ATM: variants seen among roughly 807,000 people sequenced by gnomAD.
ATM encodes the protein ATM serine/threonine kinase.
ATM carries 308 observed loss-of-function variants against 387.0 expected under a neutral mutation model. The observed-to-expected ratio is 0.80, with a 90% CI of 0.73 to 0.87. The LOEUF (loss-of-function observed/expected upper bound fraction) is 0.87, where lower values mean the gene tolerates loss of function less well. ATM is among the 40% of genes least tolerant of loss of function. ATM has a pLI of 0.00. For synonymous variants in ATM, 1,156 were observed against 1,187.3 expected (o/e 0.97, Z 0.54); for missense variants, 3,312 against 3,560.9 (o/e 0.93, Z 1.78).
intron 34 of ATM, 68 bp downstream of exon 34, chr11:108,299,953 A>C (rs558610972): frequency 7.0e-7 from 1 of 1,425,684 alleles, no homozygotes; most frequent in Admixed American, 1.7e-5. Flanking sequence ...ACTTCACACA[A>C]ATAGATATTC....
intron 25 of ATM, among the ~76,000 whole-genome samples, chr11:108,284,008 T>A (rs2082359513): frequency 6.6e-6 from 1 of 152,184 alleles, no homozygotes; most frequent in African/African-American, 2.4e-5. Context: ...AATCCCATAA[T>A]TATGGTGGTG....
intron 43 of ATM, among the ~76,000 whole-genome samples, chr11:108,318,557 G>C (rs1451859234): frequency 6.6e-6 from 1 of 151,582 alleles, no homozygotes; most frequent in Admixed American, 6.6e-5. Flanking sequence ...GGGTGTGCTG[G>C]AGCATGCCTG....
chr11:108,338,174 C>A (rs1171575060), intron 56 of ATM, among the ~76,000 whole-genome samples: 1 of 152,110 alleles, frequency 6.6e-6, no homozygotes, highest in East Asian at 1.9e-4. Flanking sequence ...CATGGCCAAA[C>A]CCCATCTCTA....
chr11:108,247,236 G>A (rs2135272296), intron 8 of ATM, 109 bp downstream of exon 8: 1 of 1,026,478 alleles, frequency 9.7e-7, no homozygotes, highest in Non-Finnish European at 1.5e-6. Flanking sequence ...CCTATAAAAT[G>A]ACTCTGTACA....
chr11:108,237,131 T>C lies in ATM; in HGVS notation c.496+1297T>C, dbSNP rs550661227. Among the ~76,000 whole-genome samples the C allele has an allele frequency of 9.8e-5, 15 of 152,314 alleles. No individual in the cohort carries two copies. In the East Asian group the frequency reaches 2.7e-3, roughly 27 times the overall value. On this transcript the variant is annotated intron_variant, in intron 5 of 62. Coordinates refer to ENST00000675843, the MANE Select transcript of ATM (RefSeq NM_000051.4). ...CAGTACCCTCACTCCTGCATTACAC[T>C]CTACTGTTCCCCTGAGAATAAATGC... is the stretch of plus-strand genomic sequence containing the variant.
intron 4 of ATM, among the ~76,000 whole-genome samples, chr11:108,233,131 G>A (rs532511717): frequency 6.6e-6 from 1 of 152,114 alleles, no homozygotes; most frequent in Admixed American, 6.6e-5. Context: ...CAAACTGCTG[G>A]GTTTATAGGC....
At chr11:108,360,802 TAATAAG>T in intron 61 of ATM, among the ~76,000 whole-genome samples, 1 of 103,832 alleles carries the variant, frequency 9.6e-6, no homozygotes, top group South Asian at 3.7e-4. Context: ...TATTTCAAAA[TAATAAG>T]AGCTATCTAT....
At position 108,252,663 on chromosome 11, in the gene ATM, G is replaced by A. The variant is rs55760417; in HGVS notation, c.1803-154G>A. ...TTGTCCTCCTTAAATTGTCCTTTTA[G>A]ATATTAAGAAATTTAGTATAGATGA... On this transcript the variant is annotated intron_variant, in intron 11 of 62. Transcript: ENST00000675843. 0.013 allele frequency among the ~76,000 whole-genome samples: 1,960 copies of A among 152,228 alleles called. 52 individuals are homozygous for A. The highest frequency in any genetic ancestry group is 0.044 in the African/African-American group (1,825 of 41,540).
At chr11:108,258,622 C>G (rs759395857) in intron 15 of ATM, among the ~76,000 whole-genome samples, 5 of 152,056 alleles carry the variant, frequency 3.3e-5, no homozygotes, top group Admixed American at 6.6e-5. Context: ...TATTTCAAAC[C>G]TAGTATTAGG....
At chr11:108,276,472 G>A (rs879429918) in intron 22 of ATM, among the ~76,000 whole-genome samples, 1 of 152,150 alleles carries the variant, frequency 6.6e-6, no homozygotes, top group East Asian at 1.9e-4. Context: ...GCCCTTTTGC[G>A]CTGGTTTTTC....
chr11:108,357,513 C>G (rs920280835), intron 61 of ATM, among the ~76,000 whole-genome samples: 3 of 152,204 alleles, frequency 2.0e-5, no homozygotes, highest in Non-Finnish European at 4.4e-5. Flanking sequence ...AACAAAAAGA[C>G]AGCAGTAACC....
rs1296794307 is a variant in ATM at position 108,317,640 on chromosome 11, TATATATATATATACACAC to T, written c.6347+121_6347+138del. ...TTATATATATATATATATATATATATATATATATATATACACACACACACACACACACACTATATATAT... is the reference window on the plus strand; with the variant it reads ...TTATATATATATATATATATATATATACACACACACACACACTATATATAT... On this transcript the variant is annotated intron_variant, in intron 43 of 62. Coordinates refer to ENST00000675843, the MANE Select transcript of ATM (RefSeq NM_000051.4). The T allele has an allele frequency of 1.2e-3, 218 of 175,938 alleles. 2 individuals are homozygous for T. Among genetic ancestry groups the T allele is most frequent in the African/African-American group, 7.6e-3 (204 of 27,004 alleles). The allele number at this position is 175,938 out of a possible 1,614,324, so 10.9% of individuals were successfully genotyped here.
chr11:108,266,187 A>G (rs1348496391), intron 16 of ATM, among the ~76,000 whole-genome samples: 1 of 148,764 alleles, frequency 6.7e-6, no homozygotes, highest in Non-Finnish European at 1.5e-5. Context: ...ATGCACACGT[A>G]TGTTTATTGT....
intron 32 of ATM, chr11:108,297,027 G>C (rs1591691287): frequency 4.8e-6 from 2 of 420,280 alleles, no homozygotes; most frequent in African/African-American, 2.0e-5. Context: ...ATTTTGCTAA[G>C]GTGTTGACTT....
At position 108,227,617 on chromosome 11, in the gene ATM, T is replaced by G. The variant is rs751378494; in HGVS notation, c.-8T>G. ...CAGACAGTGATGTGTGTTCTGAAAT[T>G]GTGAACCATGAGTCTAGTACTTAAT... On this transcript the variant is annotated 5_prime_UTR_variant, in exon 2 of 63. The change creates a new upstream start codon in the 5' untranslated region. Transcript: ENST00000675843. 1 of 1,613,374 alleles carries G rather than the reference T, an allele frequency of 6.2e-7. No homozygotes were observed. The highest frequency in any genetic ancestry group is 1.1e-5 in the South Asian group (1 of 91,060).
In ATM at chr11:108,271,070, A is replaced by G. The variant is rs1348704826; in HGVS notation, c.2845A>G (p.Met949Val). ...TTCCCTCCTACCATCTTAGTATCTA[A>G]TGCTTTTAAAGGAGCTTCCTGGAGA... is the stretch of plus-strand genomic sequence containing the variant. ...TKSLHLHMYL[M>V]LLKELPGEEY... Residue 949 changes from methionine (M) to valine (V), a missense_variant, in exon 19 of 63, where the codon ATG (methionine) becomes GTG (valine). By Grantham distance (21) the Met-to-Val change is conservative. Around this residue, in one of 4 missense-constraint regions of ATM, gnomAD observed 1,791 missense variants for 1,804.5 expected, o/e 0.99. Coordinates refer to ENST00000675843, the MANE Select transcript of ATM (RefSeq NM_000051.4). 6.2e-7 allele frequency: 1 copy of G among 1,613,738 alleles called. No homozygotes were observed. The highest frequency in any genetic ancestry group is 1.3e-5 in the African/African-American group (1 of 75,006).
intron 23 of ATM, among the ~76,000 whole-genome samples, chr11:108,280,553 G>A (rs1237597446): frequency 6.6e-6 from 1 of 152,036 alleles, no homozygotes; most frequent in African/African-American, 2.4e-5. Flanking sequence ...GGTATACAAT[G>A]TGAAATAATC....
chr11:108,345,778 A>C lies in ATM; in HGVS notation c.8454A>C (p.Glu2818Asp). ...AAAAGTCTTTTGAAGAGAAATATGA[A>C]GTCTTCATGGATGTTTGCCAAAATT... ...VQKKSFEEKY[E>D]VFMDVCQNFQ... The change falls in exon 58 of 63, where the codon GAA (glutamate) becomes GAC (aspartate). Residue 2818 changes from glutamate to aspartate, a missense_variant. Glu to Asp is a conservative substitution (Grantham distance 45, BLOSUM62 2). Around this residue, in one of 4 missense-constraint regions of ATM, gnomAD observed 1,405 missense variants for 1,604.4 expected, o/e 0.88. Transcript: ENST00000675843. The C allele has an allele frequency of 6.2e-7, 1 of 1,613,288 alleles. No homozygotes were observed. Among genetic ancestry groups the C allele is most frequent in the Non-Finnish European group, 8.5e-7 (1 of 1,179,484 alleles).
At chr11:108,326,731 G>GT (rs1462994101) in intron 47 of ATM, among the ~76,000 whole-genome samples, 1 of 152,222 alleles carries the variant, frequency 6.6e-6, no homozygotes, top group Non-Finnish European at 1.5e-5. Flanking sequence ...ACTGGATAAA[G>GT]TAGAGGCATT....
Sources: gnomAD v4.1 joint callset for allele counts (sites outside exome capture counted in the v4.1 genomes callset) on GRCh38, gnomAD v4.1.1 for gene constraint, gnomAD v4.1.1 regional missense constraint, MANE v1.5 for transcripts, NCBI Gene and HGNC (gene_info 2026-07-23, HGNC 2026-07-21) for gene names.